Variants in NR5A2 observed in about 807,000 individuals in gnomAD.
NR5A2 encodes the protein CYP7A promoter-binding factor.
Under a neutral mutation model 62.7 loss-of-function variants are expected in NR5A2, and 26 were observed. The ratio of observed to expected loss-of-function variants is 0.41; its 90% CI spans 0.30 to 0.58. NR5A2 has a LOEUF of 0.58. Among genes scored for constraint, NR5A2 ranks in the 20% least tolerant of loss-of-function variants. NR5A2 has a pLI of 0.22. For missense variants in NR5A2, 541 were observed against 669.1 expected (o/e 0.81, Z 2.11); for synonymous variants, 246 against 241.7 (o/e 1.02, Z -0.16).
intron 5 of NR5A2, among the ~76,000 whole-genome samples, chr1:200,086,304 CT>C (rs557824577): frequency 4.4e-4 from 65 of 147,290 alleles, no homozygotes; most frequent in Admixed American, 6.8e-4. Context: ...GTTCCGGAAA[CT>C]TTTTTTTTTT....
chr1:200,080,929 A>G (rs1664264751), intron 5 of NR5A2, among the ~76,000 whole-genome samples: 1 of 152,226 alleles, frequency 6.6e-6, no homozygotes, highest in Non-Finnish European at 1.5e-5. Flanking sequence ...GCCCCTGTTA[A>G]TAATGATTAC....
chr1:200,152,212 A>G (rs35461138), intron 7 of NR5A2, among the ~76,000 whole-genome samples: 3,125 of 152,302 alleles, frequency 0.021, 56 homozygotes, highest in Admixed American at 0.044. Flanking sequence ...GAGATTTCCA[A>G]AGCAAATCCT....
chr1:200,151,033 G>A (rs1024885950), intron 7 of NR5A2, among the ~76,000 whole-genome samples: 1 of 152,180 alleles, frequency 6.6e-6, no homozygotes, highest in African/African-American at 2.4e-5. Context: ...TCTCAGAAAT[G>A]ACCTGCTCTC....
chr1:200,108,060 G>A (rs1398824240), intron 5 of NR5A2, among the ~76,000 whole-genome samples: 1 of 148,276 alleles, frequency 6.7e-6, no homozygotes, highest in African/African-American at 2.5e-5. Flanking sequence ...ACCCCTTGAT[G>A]AGATGGCTCT....
chr1:200,150,403 C>T (rs1443651636), intron 7 of NR5A2, among the ~76,000 whole-genome samples: 4 of 152,234 alleles, frequency 2.6e-5, no homozygotes, highest in South Asian at 2.1e-4. Context: ...ATATTTAATG[C>T]CTCTATGCTA....
intron 5 of NR5A2, among the ~76,000 whole-genome samples, chr1:200,078,160 A>T (rs1277774932): frequency 6.6e-6 from 1 of 152,182 alleles, no homozygotes; most frequent in African/African-American, 2.4e-5. Context: ...TTTCTAACAT[A>T]TCTACGTTAG....
At position 200,064,161 on chromosome 1, in the gene NR5A2, A is replaced by AG. The variant is rs1220191114; in HGVS notation, c.1110+15343_1110+15344insG. Among the ~76,000 whole-genome samples the AG allele has an allele frequency of 2.6e-5, 4 of 152,220 alleles. No individual in the cohort carries two copies. The East Asian group carries it at 7.7e-4, about 29-fold the overall frequency. On this transcript the variant is annotated intron_variant, in intron 5 of 7. Coordinates refer to ENST00000367362, the MANE Select transcript of NR5A2 (RefSeq NM_205860.3). ...GAGACTCCATCTCAAAAAAAAAAAAAAAGGACGAGAGCCGTCTTCACTTTA... is the reference window on the plus strand; with the variant it reads ...GAGACTCCATCTCAAAAAAAAAAAAAGAAGGACGAGAGCCGTCTTCACTTTA...
intron 1 of NR5A2, among the ~76,000 whole-genome samples, chr1:200,036,119 A>G (rs1661766649): frequency 6.6e-6 from 1 of 152,152 alleles, no homozygotes; most frequent in East Asian, 1.9e-4. Flanking sequence ...GGGTCAGTGC[A>G]GACCACCGCT....
At chr1:200,131,393 G>A (rs893909575) in intron 7 of NR5A2, among the ~76,000 whole-genome samples, 2 of 152,152 alleles carry the variant, frequency 1.3e-5, no homozygotes, top group Admixed American at 6.5e-5. Context: ...TGCCTAAATA[G>A]CATTTATTTA....
At chr1:200,052,856 G>C (rs533399650) in intron 5 of NR5A2, among the ~76,000 whole-genome samples, 1 of 151,962 alleles carries the variant, frequency 6.6e-6, no homozygotes, top group African/African-American at 2.4e-5. Flanking sequence ...TAGCCAGGAT[G>C]GTCTTGATCT....
intron 1 of NR5A2, among the ~76,000 whole-genome samples, chr1:200,035,578 C>A (rs1200499265): frequency 1.3e-5 from 2 of 152,098 alleles, no homozygotes; most frequent in Non-Finnish European, 2.9e-5. Context: ...TGCATCCTCG[C>A]GAGTGGGGAG....
intron 7 of NR5A2, among the ~76,000 whole-genome samples, chr1:200,143,126 GTC>G (rs947535038): frequency 2.0e-5 from 3 of 152,014 alleles, no homozygotes; most frequent in Admixed American, 6.6e-5. Flanking sequence ...TCTTGTTTCC[GTC>G]TCTTTCTCCT....
intron 7 of NR5A2, among the ~76,000 whole-genome samples, chr1:200,159,979 G>T (rs905196117): frequency 2.6e-5 from 4 of 152,124 alleles, no homozygotes; most frequent in Non-Finnish European, 5.9e-5. Flanking sequence ...AGAGTGTTCT[G>T]CTGCTCTTTA....
intron 1 of NR5A2, among the ~76,000 whole-genome samples, chr1:200,031,571 CTT>C (rs530174677): frequency 0.1 from 9,334 of 88,938 alleles, 149 homozygotes; most frequent in African/African-American, 0.15. Context: ...TCTTTAACAC[CTT>C]TTTTTTTTTT....
intron 1 of NR5A2, among the ~76,000 whole-genome samples, chr1:200,031,521 AC>A (rs1661546393): frequency 6.6e-6 from 1 of 151,248 alleles, no homozygotes; most frequent in South Asian, 2.1e-4. Context: ...TCTCAAAAAA[AC>A]AAAACAAAAC....
In NR5A2 at chr1:200,147,012, A is replaced by C. The variant is rs1377007421; in HGVS notation, c.1378+26057A>C. 2.0e-5 allele frequency among the ~76,000 whole-genome samples: 3 copies of C among 152,044 alleles called. No individual in the cohort carries two copies. Among genetic ancestry groups the C allele is most frequent in the Non-Finnish European group, 1.5e-5 (1 of 68,008 alleles). On this transcript the variant is annotated intron_variant, in intron 7 of 7. Transcript: ENST00000367362. The surrounding 1 kb of genome is among the most constrained non-coding windows in gnomAD (Gnocchi z 4.9). ...GTTTTTATTCACTGAAACCAATAAA[A>C]GAGTTGAACACAGCAAAACTTGGAA... is the stretch of plus-strand genomic sequence containing the variant.
intron 5 of NR5A2, among the ~76,000 whole-genome samples, chr1:200,078,905 A>G (rs568683299): frequency 6.6e-6 from 1 of 152,320 alleles, no homozygotes; most frequent in African/African-American, 2.4e-5. Context: ...TTAAGTACTC[A>G]GGCTGACAAA....
chr1:200,120,768 T>C, intron 6 of NR5A2, 40 bp from the exon 7 acceptor site: 3 of 1,503,464 alleles, frequency 2.0e-6, no homozygotes, highest in Non-Finnish European at 2.7e-6. Context: ...TACATATTGC[T>C]GATTCTGATA....
Position 200,039,694 on chromosome 1 carries a change from C to T in NR5A2, c.101C>T (p.Pro34Leu). The T allele has an allele frequency of 3.1e-6, 5 of 1,609,740 alleles. No homozygotes were observed. Among genetic ancestry groups the T allele is most frequent in the Middle Eastern group, 1.7e-4 (1 of 6,018 alleles). The stretch of plus-strand genomic sequence containing the variant: ...CCGGACCGACACGGATCCCCCATCC[C>T]CGCCCGCGGTCGCCTTGTCATGCTG... ...GLPDRHGSPI[P>L]ARGRLVMLPK... The change falls in exon 2 of 8, where the codon CCC (proline) becomes CTC (leucine). Residue 34 changes from proline to leucine, a missense_variant. By Grantham distance (98) the Pro-to-Leu change is moderately conservative. This residue lies in a region of NR5A2 where 108 missense variants were observed against 103.3 expected (regional missense o/e 1.05). Coordinates refer to ENST00000367362, the MANE Select transcript of NR5A2 (RefSeq NM_205860.3). The surrounding 1 kb of genome is among the most constrained non-coding windows in gnomAD (Gnocchi z 5.1).
Sources: gnomAD v4.1 joint callset for allele counts (sites outside exome capture counted in the v4.1 genomes callset) on GRCh38, gnomAD v4.1.1 for gene constraint, gnomAD v4.1.1 regional missense constraint, Gnocchi (gnomAD v3.1) non-coding constraint, MANE v1.5 for transcripts, NCBI Gene and HGNC (gene_info 2026-07-23, HGNC 2026-07-21) for gene names.